Variants in CKAP5 observed in about 807,000 individuals in gnomAD.
CKAP5 encodes cytoskeleton-associated protein 5.
In CKAP5, 27 loss-of-function variants were observed where a neutral mutation model predicts 232.8. That is an observed-to-expected ratio of 0.12 (90% CI 0.09 to 0.16). CKAP5 has a LOEUF of 0.16. CKAP5 is among the 10% of genes least tolerant of loss of function. The pLI is 1.00. For missense variants in CKAP5, 1,838 were observed against 2,424.7 expected (o/e 0.76, Z 5.08); for synonymous variants, 785 against 841.1 (o/e 0.93, Z 1.16).
intron 1 of CKAP5, among the ~76,000 whole-genome samples, chr11:46,836,461 C>T (rs546404129): frequency 6.6e-6 from 1 of 152,214 alleles, no homozygotes; most frequent in South Asian, 2.1e-4. Flanking sequence ...ACCTATAATC[C>T]TAGCATTTCA....
chr11:46,805,392 A>G (rs1323063582), intron 8 of CKAP5, among the ~76,000 whole-genome samples: 1 of 152,220 alleles, frequency 6.6e-6, no homozygotes, highest in Non-Finnish European at 1.5e-5. Context: ...ATGCCTTTTT[A>G]CTACTTTCAT....
intron 42 of CKAP5, among the ~76,000 whole-genome samples, chr11:46,749,927 C>CAA (rs1165122275): frequency 4.0e-5 from 3 of 74,722 alleles, no homozygotes; most frequent in Non-Finnish European, 5.5e-5. Flanking sequence ...AACTCCATCT[C>CAA]AAAAAAAAAA....
At chr11:46,762,426 C>A in intron 31 of CKAP5, 1 of 867,884 alleles carries the variant, frequency 1.2e-6, no homozygotes, top group Non-Finnish European at 2.0e-6. Context: ...GATTTTGTCA[C>A]CAGGGTGATA....
At position 46,784,733 on chromosome 11, in the gene CKAP5, T is replaced by A. The variant is rs183336690; in HGVS notation, c.1969-60A>T. On this transcript the variant is annotated intron_variant, in intron 16 of 43. Coordinates refer to ENST00000529230, the MANE Select transcript of CKAP5 (RefSeq NM_001008938.4). Reference sequence around the variant, plus strand: ...AGCCAAGGACATTTATTTATTTACTTGTATTAACAGCATGTAACAGATATG... The same window carrying A: ...AGCCAAGGACATTTATTTATTTACTAGTATTAACAGCATGTAACAGATATG... 3 of 1,270,578 alleles carry A rather than the reference T, an allele frequency of 2.4e-6. No individual in the cohort carries two copies. In the East Asian group the frequency reaches 7.0e-5, roughly 29 times the overall value. The allele number at this position is 1,270,578 out of a possible 1,614,324, so 78.7% of individuals were successfully genotyped here. A position where few individuals can be genotyped will look rare whatever the true frequency, so the allele number is the denominator to read the frequency against.
At chr11:46,816,165 G>A (rs1200837315) in intron 4 of CKAP5, 33 bp downstream of exon 4, 2 of 1,568,026 alleles carry the variant, frequency 1.3e-6, no homozygotes, top group Admixed American at 1.7e-5. Flanking sequence ...GGGGACTGCT[G>A]CTCTAGTTAA....
chr11:46,810,608 C>T (rs61897307), intron 5 of CKAP5, among the ~76,000 whole-genome samples: 37 of 152,028 alleles, frequency 2.4e-4, no homozygotes, highest in African/African-American at 4.6e-4. Context: ...ACTGCACCAG[C>T]GGAAGAAAAT....
chr11:46,810,081 C>T (rs968643093), intron 5 of CKAP5, among the ~76,000 whole-genome samples: 13 of 151,712 alleles, frequency 8.6e-5, no homozygotes, highest in African/African-American at 9.7e-5. Context: ...AAGCAATTCC[C>T]GTGCCTCAGC....
At position 46,809,686 on chromosome 11, in the gene CKAP5, T is replaced by A. The variant is rs1939233097; in HGVS notation, c.763+56A>T. On this transcript the variant is annotated intron_variant, in intron 6 of 43. Coordinates refer to ENST00000529230, the MANE Select transcript of CKAP5 (RefSeq NM_001008938.4). ...TATGCCTAATGAACACAGATTCTCA[T>A]GGCAGTGCCAGTTCTTGCTAATTTT... 4.4e-6 allele frequency: 7 copies of A among 1,597,788 alleles called. No homozygotes were observed. The Admixed American group carries it at 1.0e-4, about 23-fold the overall frequency.
intron 20 of CKAP5, among the ~76,000 whole-genome samples, 177 bp from the exon 21 acceptor site, chr11:46,778,776 T>C (rs1565730891): frequency 6.6e-6 from 1 of 152,212 alleles, no homozygotes; most frequent in Non-Finnish European, 1.5e-5. Context: ...GGTATTTTTA[T>C]ACAAAACCTA....
At chr11:46,840,749 A>T (rs935713918) in intron 1 of CKAP5, among the ~76,000 whole-genome samples, 21 of 152,266 alleles carry the variant, frequency 1.4e-4, no homozygotes, top group Admixed American at 6.5e-5. Context: ...TTTATAATAA[A>T]CTGGCTGGAA....
rs1352934940 is a variant in CKAP5 at position 46,777,380 on chromosome 11, C to T, written c.2862+59G>A. On this transcript the variant is annotated intron_variant, in intron 23 of 43. Coordinates refer to ENST00000529230, the MANE Select transcript of CKAP5 (RefSeq NM_001008938.4). Reference sequence around the variant, plus strand: ...ACTCTAAAAAGAGAATTATCTTTAACCCAAAAATATGGCTGGCCTATTCCA... The same window carrying T: ...ACTCTAAAAAGAGAATTATCTTTAATCCAAAAATATGGCTGGCCTATTCCA... 3.5e-5 allele frequency: 37 copies of T among 1,051,890 alleles called. 1 individual carries two copies. In the East Asian group the frequency reaches 4.3e-4, roughly 12 times the overall value. 65.2% of individuals were successfully genotyped at this position (1,051,890 alleles called of 1,614,324 possible). A position where few individuals can be genotyped will look rare whatever the true frequency, so the allele number is the denominator to read the frequency against.
intron 1 of CKAP5, among the ~76,000 whole-genome samples, chr11:46,823,335 TAAAATAC>T: frequency 6.6e-6 from 1 of 152,168 alleles, no homozygotes; most frequent in East Asian, 1.9e-4. Flanking sequence ...ATCTAAGTAT[TAAAATAC>T]AATTTTACCA....
intron 11 of CKAP5, 117 bp from the exon 12 acceptor site, chr11:46,797,057 T>C: frequency 9.0e-7 from 1 of 1,110,638 alleles, no homozygotes; most frequent in African/African-American, 1.6e-5. Flanking sequence ...TTACTGGAAC[T>C]AAGTATAGCT....
At chr11:46,820,017 C>A (rs1939491505) in intron 2 of CKAP5, among the ~76,000 whole-genome samples, 1 of 151,668 alleles carries the variant, frequency 6.6e-6, no homozygotes, top group Non-Finnish European at 1.5e-5. Context: ...AATAAAGTAC[C>A]AAATCACACG....
At chr11:46,810,191 T>C (rs929568240) in intron 5 of CKAP5, among the ~76,000 whole-genome samples, 2 of 152,120 alleles carry the variant, frequency 1.3e-5, no homozygotes, top group Admixed American at 6.5e-5. Context: ...AGGCTGGTCT[T>C]GAACTTCTGA....
chr11:46,758,696 G>T, intron 35 of CKAP5: 1 of 407,720 alleles, frequency 2.5e-6, no homozygotes, highest in African/African-American at 2.2e-5. Context: ...AACATAGTGA[G>T]ACCTGGTCTC....
chr11:46,789,383 T>C (rs1237010541), intron 15 of CKAP5, among the ~76,000 whole-genome samples: 1 of 152,200 alleles, frequency 6.6e-6, no homozygotes, highest in Non-Finnish European at 1.5e-5. Context: ...ATAATGTCCA[T>C]TCTACCAAGG....
rs963544877 is a variant in CKAP5, at chr11:46,795,514, A to C, written c.1650+80T>G. 11 of 1,193,152 alleles carry C rather than the reference A, an allele frequency of 9.2e-6. No individual in the cohort carries two copies. The Admixed American group carries it at 2.4e-4, about 26-fold the overall frequency. The allele number at this position is 1,193,152 out of a possible 1,614,324, so 73.9% of individuals were successfully genotyped here. On this transcript the variant is annotated intron_variant, in intron 13 of 43. Coordinates refer to ENST00000529230, the MANE Select transcript of CKAP5 (RefSeq NM_001008938.4). ...GGCCAATGAATTCATTTCTCAAACA[A>C]AATAATTTTAGAGGAACAACCACGA...
intron 17 of CKAP5, 64 bp from the exon 18 acceptor site, chr11:46,783,432 C>G: frequency 9.8e-7 from 1 of 1,022,006 alleles, no homozygotes; most frequent in Non-Finnish European, 1.5e-6. Flanking sequence ...TACAGCATGA[C>G]ATTAAGGCAG....
Sources: gnomAD v4.1 joint callset for allele counts (sites outside exome capture counted in the v4.1 genomes callset) on GRCh38, gnomAD v4.1.1 for gene constraint, MANE v1.5 for transcripts, NCBI Gene and HGNC (gene_info 2026-07-23, HGNC 2026-07-21) for gene names.